The following COL23A1 variants were observed in gnomAD, a reference collection of about 807,000 sequenced individuals.
COL23A1 encodes the protein collagen alpha-1(XXIII) chain.
Under a neutral mutation model 99.3 loss-of-function variants are expected in COL23A1, and 97 were observed. That is an observed-to-expected ratio of 0.98 (90% confidence interval 0.83 to 1.16). COL23A1 has a LOEUF of 1.16. Among genes scored for constraint, COL23A1 ranks in the 50% most tolerant of loss-of-function variants. The pLI is 0.00. For missense variants in COL23A1, 762 were observed against 757.4 expected (o/e 1.01, Z -0.07); for synonymous variants, 320 against 308.2 (o/e 1.04, Z -0.40).
chr5:178,266,057 T>G (rs1188694794), intron 8 of COL23A1, among the ~76,000 whole-genome samples: 1 of 152,176 alleles, frequency 6.6e-6, no homozygotes, highest in Non-Finnish European at 1.5e-5. Context: ...AATTTTTTTT[T>G]TTGGAGACAG....
chr5:178,258,603 G>C (rs1018425461), intron 12 of COL23A1, among the ~76,000 whole-genome samples: 1 of 151,874 alleles, frequency 6.6e-6, no homozygotes, highest in Non-Finnish European at 1.5e-5. Context: ...CACCGCGTTA[G>C]CCAGGATGGT....
chr5:178,361,547 C>T (rs1430438899), intron 2 of COL23A1, among the ~76,000 whole-genome samples: 1 of 152,104 alleles, frequency 6.6e-6, no homozygotes, highest in Admixed American at 6.5e-5. Flanking sequence ...CTTCTCCCCA[C>T]CTCCACCTTC....
intron 1 of COL23A1, chr5:178,562,104 T>C (rs1272916837): frequency 1.9e-6 from 1 of 529,558 alleles, no homozygotes; most frequent in Admixed American, 2.2e-5. Flanking sequence ...AGCCACAGCG[T>C]GGTGGCAGGC....
At chr5:178,285,947 C>T (rs908404591) in intron 5 of COL23A1, among the ~76,000 whole-genome samples, 4 of 152,236 alleles carry the variant, frequency 2.6e-5, no homozygotes, top group African/African-American at 7.2e-5. Flanking sequence ...GGTGTCTGCC[C>T]CACCCTGTGG....
chr5:178,450,866 A>C (rs1767448653), intron 2 of COL23A1, among the ~76,000 whole-genome samples: 1 of 152,228 alleles, frequency 6.6e-6, no homozygotes. Flanking sequence ...CTGCAGACAG[A>C]GCCAGGATAA....
chr5:178,276,012 T>C (rs73342823), intron 5 of COL23A1, among the ~76,000 whole-genome samples: 1,758 of 152,332 alleles, frequency 0.012, 34 homozygotes, highest in African/African-American at 0.041. Flanking sequence ...GTAATTGGCC[T>C]GGTACTAACG....
At chr5:178,288,240 G>A in intron 5 of COL23A1, 84 bp downstream of exon 5, 1 of 1,162,222 alleles carries the variant, frequency 8.6e-7, no homozygotes, top group Non-Finnish European at 1.3e-6. Context: ...CAGGAGCGCA[G>A]ACAGAGTTAA....
At chr5:178,371,446 G>C (rs182597003) in intron 2 of COL23A1, among the ~76,000 whole-genome samples, 217 of 152,286 alleles carry the variant, frequency 1.4e-3, no homozygotes, top group African/African-American at 5.1e-3. Context: ...GATGGGCCTC[G>C]CGGGCTTGGT....
intron 5 of COL23A1, among the ~76,000 whole-genome samples, chr5:178,286,453 C>T (rs1054695339): frequency 1.2e-4 from 18 of 152,190 alleles, no homozygotes; most frequent in Non-Finnish European, 2.6e-4. Context: ...TGAGGGAGCC[C>T]GATACCACCC....
chr5:178,295,780 G>A (rs1042351080), intron 3 of COL23A1, among the ~76,000 whole-genome samples: 3 of 152,252 alleles, frequency 2.0e-5, no homozygotes, highest in African/African-American at 7.2e-5. Context: ...ATACTATGCA[G>A]CCATGAAAAA....
At chr5:178,357,884 CGTGTGTGTGTAT>C (rs1420124590) in intron 2 of COL23A1, among the ~76,000 whole-genome samples, 4 of 121,952 alleles carry the variant, frequency 3.3e-5, no homozygotes, top group African/African-American at 9.7e-5. Flanking sequence ...TGCATGTGTA[CGTGTGTGTGTAT>C]GTGTGTCTAA....
chr5:178,534,432 G>A (rs185246245), intron 2 of COL23A1, among the ~76,000 whole-genome samples: 2 of 152,300 alleles, frequency 1.3e-5, no homozygotes, highest in Admixed American at 1.3e-4. Context: ...TCCATCACAT[G>A]TTGTAAGGGA....
At chr5:178,517,155 C>A (rs965600422) in intron 2 of COL23A1, among the ~76,000 whole-genome samples, 6 of 152,362 alleles carry the variant, frequency 3.9e-5, no homozygotes, top group African/African-American at 1.4e-4. Context: ...TACCAAGGAA[C>A]TGCAAGCCCC....
At chr5:178,288,544 C>G in intron 4 of COL23A1, 194 bp from the exon 5 acceptor site, 1 of 646,550 alleles carries the variant, frequency 1.5e-6, no homozygotes, top group Non-Finnish European at 2.8e-6. Flanking sequence ...GAGGGCCAGG[C>G]TGGAGGGACC....
intron 13 of COL23A1, among the ~76,000 whole-genome samples, chr5:178,257,276 CAG>C (rs1383367651): frequency 1.3e-5 from 2 of 152,132 alleles, no homozygotes; most frequent in Non-Finnish European, 2.9e-5. Flanking sequence ...GGGGACAGGG[CAG>C]AGAGTGAGGC....
intron 2 of COL23A1, among the ~76,000 whole-genome samples, chr5:178,539,868 A>C (rs1205282183): frequency 6.6e-6 from 1 of 152,212 alleles, no homozygotes; most frequent in Admixed American, 6.5e-5. Flanking sequence ...TCCTAAACAA[A>C]AGATTAGCAA....
At chr5:178,397,844 G>A (rs1258559796) in intron 2 of COL23A1, among the ~76,000 whole-genome samples, 1 of 152,108 alleles carries the variant, frequency 6.6e-6, no homozygotes, top group East Asian at 1.9e-4. Flanking sequence ...AAACTTAGCT[G>A]GGTGTGGTGA....
At chr5:178,481,471 G>A (rs932634158) in intron 2 of COL23A1, among the ~76,000 whole-genome samples, 2 of 152,086 alleles carry the variant, frequency 1.3e-5, no homozygotes, top group South Asian at 2.1e-4. Context: ...TATCTGATAA[G>A]TGATTAATAA....
intron 6 of COL23A1, among the ~76,000 whole-genome samples, chr5:178,269,242 G>A (rs1338595029): frequency 6.6e-6 from 1 of 151,032 alleles, no homozygotes; most frequent in Non-Finnish European, 1.5e-5. Flanking sequence ...TTTAATGGTA[G>A]CAGCTCCTTG....
Sources: gnomAD v4.1 joint callset for allele counts (sites outside exome capture counted in the v4.1 genomes callset) on GRCh38, gnomAD v4.1.1 for gene constraint, MANE v1.5 for transcripts, NCBI Gene and HGNC (gene_info 2026-07-23, HGNC 2026-07-21) for gene names.